Variants in SEZ6L observed in about 807,000 individuals in gnomAD.
SEZ6L encodes seizure 6-like protein.
SEZ6L carries 37 observed loss-of-function variants against 106.2 expected under a neutral mutation model. The observed-to-expected ratio is 0.35, with a 90% CI of 0.27 to 0.46. SEZ6L has a LOEUF of 0.46. Among genes scored for constraint, SEZ6L ranks in the 20% least tolerant of loss-of-function variants. SEZ6L has a pLI of 1.00. For missense variants in SEZ6L, 1,172 were observed against 1,332.8 expected, an observed-to-expected ratio of 0.88 and a Z score of 1.88; for synonymous variants, 541 against 570.4, an observed-to-expected ratio of 0.95 and a Z score of 0.73.
intron 9 of SEZ6L, among the ~76,000 whole-genome samples, chr22:26,323,586 G>A (rs2082216930): frequency 6.6e-6 from 1 of 152,206 alleles, no homozygotes; most frequent in South Asian, 2.1e-4. Flanking sequence ...GGGCAACATA[G>A]TGAGACCCTG....
chr22:26,272,428 C>G (rs2080398952), intron 1 of SEZ6L, among the ~76,000 whole-genome samples: 1 of 152,176 alleles, frequency 6.6e-6, no homozygotes, highest in Non-Finnish European at 1.5e-5. Context: ...TGTGTTTGGG[C>G]CACAAAAAAA....
intron 1 of SEZ6L, among the ~76,000 whole-genome samples, chr22:26,201,382 C>CAAAAAAAAAAAAAAA (rs71192905): frequency 2.7e-5 from 2 of 75,314 alleles, no homozygotes; most frequent in African/African-American, 5.7e-5. Context: ...TACAAAAATA[C>CAAAAAAAAAAAAAAA]AAAAAAAAAA....
chr22:26,329,741 G>T (rs536044149), intron 9 of SEZ6L, among the ~76,000 whole-genome samples: 1 of 152,350 alleles, frequency 6.6e-6, no homozygotes, highest in South Asian at 2.1e-4. Flanking sequence ...TTGGGGCTCA[G>T]TTTACTCCTC....
chr22:26,224,399 A>G (rs2078575345), intron 1 of SEZ6L, among the ~76,000 whole-genome samples: 1 of 152,118 alleles, frequency 6.6e-6, no homozygotes, highest in South Asian at 2.1e-4. Flanking sequence ...AAAGGGGGAG[A>G]GAAATATGAG....
At chr22:26,299,205 T>C in intron 5 of SEZ6L, 36 bp downstream of exon 5, 1 of 1,343,306 alleles carries the variant, frequency 7.4e-7, no homozygotes, top group Non-Finnish European at 9.6e-7. Flanking sequence ...AACCTGATGG[T>C]CCAACTAAGA....
intron 1 of SEZ6L, among the ~76,000 whole-genome samples, chr22:26,264,274 G>C (rs564202584): frequency 1.3e-5 from 2 of 152,204 alleles, no homozygotes; most frequent in Non-Finnish European, 2.9e-5. Flanking sequence ...CAGAGCACAG[G>C]CTTTGTCAGG....
intron 1 of SEZ6L, among the ~76,000 whole-genome samples, chr22:26,201,810 C>T (rs1360139734): frequency 1.3e-5 from 2 of 152,130 alleles, no homozygotes; most frequent in African/African-American, 4.8e-5. Context: ...ATTTTCACAG[C>T]CCTGGCCCAG....
intron 9 of SEZ6L, among the ~76,000 whole-genome samples, chr22:26,323,043 G>A (rs2331244): frequency 0.22 from 33,273 of 152,064 alleles, 4,004 homozygotes; most frequent in Middle Eastern, 0.36. Flanking sequence ...GCCCCAAGTG[G>A]GCAGGTAACT....
intron 1 of SEZ6L, 68 bp from the exon 2 acceptor site, chr22:26,292,336 TCA>T: frequency 7.6e-7 from 1 of 1,310,880 alleles, no homozygotes; most frequent in Non-Finnish European, 1.1e-6. Flanking sequence ...AGGGCCACCC[TCA>T]GAGTCTGACA....
intron 1 of SEZ6L, among the ~76,000 whole-genome samples, chr22:26,177,207 G>A (rs1275270447): frequency 6.6e-6 from 1 of 152,110 alleles, no homozygotes; most frequent in Non-Finnish European, 1.5e-5. Context: ...TCTGAAAAAT[G>A]GGAATAATAA....
chr22:26,173,689 A>G (rs1042035142), intron 1 of SEZ6L, among the ~76,000 whole-genome samples: 3 of 152,156 alleles, frequency 2.0e-5, no homozygotes, highest in African/African-American at 7.2e-5. Context: ...AACAACAGAA[A>G]TTTATTTCTC....
rs1235859971 is a variant in SEZ6L at position 26,284,534 on chromosome 22, C to A, written c.95-7872C>A. ...TTGAAATGGGAGGATCGCTTTAACC[C>A]AGGAGGCGGAGGTTGCAGTGAGCTG... On this transcript the variant is annotated intron_variant, in intron 1 of 16. Coordinates refer to ENST00000248933, the MANE Select transcript of SEZ6L (RefSeq NM_021115.5). Among the ~76,000 whole-genome samples the A allele has an allele frequency of 2.8e-5, 4 of 141,406 alleles. No homozygotes were observed. The East Asian group carries it at 8.6e-4, about 30-fold the overall frequency. 92.8% of individuals were successfully genotyped at this position (141,406 alleles called of 152,430 possible).
intron 1 of SEZ6L, among the ~76,000 whole-genome samples, chr22:26,271,298 G>A (rs1029249290): frequency 1.3e-5 from 2 of 152,178 alleles, no homozygotes; most frequent in Admixed American, 6.5e-5. Context: ...CAGAACATTT[G>A]CACTAAGTCT....
At chr22:26,354,149 A>G (rs9625019) in intron 12 of SEZ6L, among the ~76,000 whole-genome samples, 1,553 of 152,282 alleles carry the variant, frequency 0.01, 32 homozygotes, top group African/African-American at 0.036. Flanking sequence ...TAGAACTTCA[A>G]AGTTCTAACC....
intron 1 of SEZ6L, among the ~76,000 whole-genome samples, chr22:26,277,156 T>C (rs1350132199): frequency 6.7e-6 from 1 of 150,306 alleles, no homozygotes. Flanking sequence ...TGGAGTACAG[T>C]GGTGGGATCA....
chr22:26,228,851 T>C (rs9613135), intron 1 of SEZ6L, among the ~76,000 whole-genome samples: 8,188 of 152,238 alleles, frequency 0.054, 271 homozygotes, highest in South Asian at 0.12. Context: ...TCTTTGTTAC[T>C]GTGCTCGCCT....
chr22:26,372,286 A>AT (rs763742893), intron 13 of SEZ6L, among the ~76,000 whole-genome samples: 12 of 152,194 alleles, frequency 7.9e-5, no homozygotes, highest in Non-Finnish European at 1.6e-4. Context: ...TCATGAGCAC[A>AT]GGGCTCCAAG....
intron 6 of SEZ6L, among the ~76,000 whole-genome samples, chr22:26,309,538 G>A (rs1304049641): frequency 6.6e-6 from 1 of 152,126 alleles, no homozygotes; most frequent in Admixed American, 6.5e-5. Flanking sequence ...AGCCTGGTGG[G>A]AGTCAAATGC....
At chr22:26,294,523 G>C in intron 3 of SEZ6L, 98 bp downstream of exon 3, 1 of 1,343,760 alleles carries the variant, frequency 7.4e-7, no homozygotes, top group Non-Finnish European at 1.0e-6. Context: ...AACTAGTTTG[G>C]TTCTGTCTTT....
Sources: gnomAD v4.1 joint callset for allele counts (sites outside exome capture counted in the v4.1 genomes callset) on GRCh38, gnomAD v4.1.1 for gene constraint, MANE v1.5 for transcripts, NCBI Gene and HGNC (gene_info 2026-07-23, HGNC 2026-07-21) for gene names.